The following SETDB2 variants were observed in gnomAD, a reference collection of about 807,000 sequenced individuals.
SETDB2 encodes the protein SET domain bifurcated histone lysine methyltransferase 2, also known as histone-lysine N-methyltransferase SETDB2.
In SETDB2, 56 loss-of-function variants were observed where a neutral mutation model predicts 82.5. The observed-to-expected ratio is 0.68, with a 90% CI of 0.55 to 0.85. The LOEUF (loss-of-function observed/expected upper bound fraction) is 0.85. SETDB2 is among the 40% of genes least tolerant of loss of function. The pLI, the probability that SETDB2 is intolerant of heterozygous loss-of-function variation, is 0.00. For synonymous variants in SETDB2, 272 were observed against 284.9 expected, an observed-to-expected ratio of 0.95 and a Z score of 0.46; for missense variants, 677 against 816.4, an observed-to-expected ratio of 0.83 and a Z score of 2.08.
At chr13:49,483,689 C>A in intron 10 of SETDB2, 126 bp downstream of exon 10, 6 of 441,294 alleles carry the variant, frequency 1.4e-5, no homozygotes. Flanking sequence ...AGTGTGGTGG[C>A]ACAGTCACAG....
intron 2 of SETDB2, among the ~76,000 whole-genome samples, chr13:49,454,763 A>G (rs1000119436): frequency 6.6e-6 from 1 of 152,200 alleles, no homozygotes; most frequent in Non-Finnish European, 1.5e-5. Flanking sequence ...TTATAGTATC[A>G]TACACAATAG....
At chr13:49,459,463 C>T (rs1022904926) in intron 2 of SETDB2, among the ~76,000 whole-genome samples, 3 of 152,030 alleles carry the variant, frequency 2.0e-5, no homozygotes, top group African/African-American at 7.2e-5. Flanking sequence ...ATATGCTTAG[C>T]ATTTTAGGTA....
At chr13:49,449,885 A>G (rs1194556174) in intron 1 of SETDB2, among the ~76,000 whole-genome samples, 1 of 152,134 alleles carries the variant, frequency 6.6e-6, no homozygotes. Flanking sequence ...TTCATTTTTC[A>G]TCATCAGATA....
chr13:49,487,616 A>T (rs539443383), intron 11 of SETDB2, among the ~76,000 whole-genome samples: 95 of 152,352 alleles, frequency 6.2e-4, no homozygotes, highest in Non-Finnish European at 1.2e-3. Context: ...TGCTGGGATT[A>T]CAGGCATGAG....
chr13:49,458,400 T>A (rs1405208029), intron 2 of SETDB2, among the ~76,000 whole-genome samples: 2 of 152,200 alleles, frequency 1.3e-5, no homozygotes, highest in Non-Finnish European at 2.9e-5. Context: ...ATAGATGTGG[T>A]CACACAGTTA....
intron 5 of SETDB2, among the ~76,000 whole-genome samples, chr13:49,475,429 A>G (rs1285199239): frequency 6.6e-6 from 1 of 152,146 alleles, no homozygotes; most frequent in Admixed American, 6.6e-5. Context: ...ATGTAAAACA[A>G]AACTCAGATT....
At position 49,491,890 on chromosome 13, in the gene SETDB2, C is replaced by T. The variant is rs1958720144; in HGVS notation, c.*41C>T. 1.4e-6 allele frequency: 2 copies of T among 1,389,446 alleles called. No individual in the cohort carries two copies. The highest frequency in any genetic ancestry group is 1.7e-5 in the Admixed American group (1 of 59,682). 86.1% of individuals were successfully genotyped at this position (1,389,446 alleles called of 1,614,324 possible). ...CTGTTTGTGAAATTAGCTTATCAGG[C>T]TGAAATTAAAGCCATGCAAAAGAAG... On this transcript the variant is annotated 3_prime_UTR_variant, in exon 14 of 14. Transcript: ENST00000611815.
rs879066815 is a variant in SETDB2 at position 49,477,121 on chromosome 13, G to A, written c.869+82G>A. 39 of 1,286,672 alleles carry A rather than the reference G, an allele frequency of 3.0e-5. 2 individuals carry two copies. The South Asian group carries it at 3.2e-4, about 10-fold the overall frequency. 79.7% of individuals were successfully genotyped at this position (1,286,672 alleles called of 1,614,324 possible). A position where few individuals can be genotyped will look rare whatever the true frequency, so the allele number is the denominator to read the frequency against. Reference sequence around the variant, plus strand: ...AAGAAGTCTTGCTATGTATTAATTTGTCTATCTAAAACCTGTTCAAGAGTT... The same window carrying A: ...AAGAAGTCTTGCTATGTATTAATTTATCTATCTAAAACCTGTTCAAGAGTT... On this transcript the variant is annotated intron_variant, in intron 6 of 13. Transcript: ENST00000611815.
rs1020897134 is a variant in SETDB2, at chr13:49,493,674, C to G, written c.*1825C>G. ...GTGTTTGACAATGTCTTTATTTTAC[C>G]CTTATACCTGATTGCTGTTTTGGTT... is the stretch of plus-strand genomic sequence containing the variant. On this transcript the variant is annotated 3_prime_UTR_variant, in exon 14 of 14. Transcript: ENST00000611815. The G allele has an allele frequency of 2.0e-5, 3 of 152,086 alleles. No homozygotes were observed. Among genetic ancestry groups the G allele is most frequent in the African/African-American group, 7.2e-5 (3 of 41,392 alleles). The allele number at this position is 152,086 out of a possible 1,614,324, so 9.4% of individuals were successfully genotyped here. A position where few individuals can be genotyped will look rare whatever the true frequency, so the allele number is the denominator to read the frequency against.
At chr13:49,462,304 A>G (rs1327962124) in intron 4 of SETDB2, among the ~76,000 whole-genome samples, 1 of 152,202 alleles carries the variant, frequency 6.6e-6, no homozygotes, top group Non-Finnish European at 1.5e-5. Flanking sequence ...ACCAGCCCCC[A>G]TTCTGAAGCT....
intron 1 of SETDB2, among the ~76,000 whole-genome samples, chr13:49,450,846 G>T (rs574099509): frequency 7.2e-5 from 11 of 151,804 alleles, no homozygotes; most frequent in Non-Finnish European, 1.5e-4. Context: ...GAAATTGCCA[G>T]AGATATGTAT....
intron 4 of SETDB2, among the ~76,000 whole-genome samples, chr13:49,466,944 T>C (rs756315858): frequency 6.6e-5 from 10 of 151,822 alleles, no homozygotes; most frequent in Non-Finnish European, 1.5e-4. Flanking sequence ...GGATGAACCT[T>C]GTGCTTGGCT....
intron 5 of SETDB2, 106 bp from the exon 6 acceptor site, chr13:49,476,370 G>A: frequency 1.3e-6 from 1 of 771,078 alleles, no homozygotes; most frequent in Non-Finnish European, 2.1e-6. Context: ...CTTAGAGTCT[G>A]GCTTATTTTA....
chr13:49,482,426 ATC>A (rs1958498105), intron 8 of SETDB2: 1 of 575,298 alleles, frequency 1.7e-6, no homozygotes, highest in Non-Finnish European at 2.2e-6. Flanking sequence ...GGCTAGAGTC[ATC>A]TCTCTAATTT....
At chr13:49,463,080 A>C (rs1958028414) in intron 4 of SETDB2, among the ~76,000 whole-genome samples, 1 of 151,980 alleles carries the variant, frequency 6.6e-6, no homozygotes, top group Non-Finnish European at 1.5e-5. Context: ...ATCTCAGCTC[A>C]CTGCAACCTC....
At position 49,451,864 on chromosome 13, in the gene SETDB2, G is replaced by A. The variant is rs772256822; in HGVS notation, c.-30G>A. The A allele has an allele frequency of 1.1e-5, 17 of 1,573,264 alleles. No homozygotes were observed. The East Asian group carries it at 3.4e-4, about 32-fold the overall frequency. ...GTGATTTGATAAACCTAATTTTGAA[G>A]CATTTTATATTTATAAGCGACATCA... On this transcript the variant is annotated 5_prime_UTR_variant, in exon 2 of 14. Coordinates refer to ENST00000611815, the MANE Select transcript of SETDB2 (RefSeq NM_001160308.3).
chr13:49,456,869 A>G (rs938768996), intron 2 of SETDB2, among the ~76,000 whole-genome samples: 2 of 152,230 alleles, frequency 1.3e-5, no homozygotes, highest in Non-Finnish European at 2.9e-5. Flanking sequence ...TTCCATAGCA[A>G]GAAGACAAAG....
chr13:49,488,103 T>C, intron 11 of SETDB2, 187 bp from the exon 12 acceptor site: 1 of 457,654 alleles, frequency 2.2e-6, no homozygotes, highest in Non-Finnish European at 2.9e-6. Context: ...TTCTCGTTAT[T>C]GTGGGTCAGA....
chr13:49,451,052 A>G (rs1957776194), intron 1 of SETDB2, among the ~76,000 whole-genome samples: 2 of 151,670 alleles, frequency 1.3e-5, no homozygotes, highest in Non-Finnish European at 2.9e-5. Context: ...TTATACAAAA[A>G]TATTAGTGAT....
Sources: allele counts gnomAD v4.1 joint callset (sites outside exome capture counted in the v4.1 genomes callset), GRCh38; gene constraint gnomAD v4.1.1; transcripts MANE v1.5; gene names NCBI Gene and HGNC (gene_info 2026-07-23, HGNC 2026-07-21).